KLHL1: variants seen among roughly 807,000 people sequenced by gnomAD.
KLHL1 encodes the protein kelch like family member 1, also known as kelch-like protein 1.
A neutral mutation model predicts 77.7 loss-of-function variants in KLHL1; 47 were observed. That is an observed-to-expected ratio of 0.60 (90% CI 0.48 to 0.77). The LOEUF is 0.77. Among genes scored for constraint, KLHL1 ranks in the 30% least tolerant of loss-of-function variants. The pLI is 0.00. For missense variants in KLHL1, 925 were observed against 910.8 expected, an observed-to-expected ratio of 1.02 and a Z score of -0.20; for synonymous variants, 360 against 325.2, an observed-to-expected ratio of 1.11 and a Z score of -1.15.
chr13:69,922,226 T>C (rs1882665730), intron 4 of KLHL1, among the ~76,000 whole-genome samples: 1 of 152,148 alleles, frequency 6.6e-6, no homozygotes, highest in South Asian at 2.1e-4. Context: ...GGATTACTTG[T>C]GTGAACCGTC....
intron 7 of KLHL1, among the ~76,000 whole-genome samples, chr13:69,744,558 A>G (rs1176859525): frequency 6.6e-6 from 1 of 151,190 alleles, no homozygotes; most frequent in African/African-American, 2.4e-5. Flanking sequence ...AATGTAAAAC[A>G]TGTAAGTGTT....
intron 7 of KLHL1, among the ~76,000 whole-genome samples, chr13:69,786,422 T>C (rs79542479): frequency 0.037 from 5,585 of 152,238 alleles, 130 homozygotes; most frequent in Middle Eastern, 0.068. Context: ...ATTATCTCAA[T>C]GGATGCAGAA....
intron 4 of KLHL1, among the ~76,000 whole-genome samples, chr13:69,927,071 T>A (rs1430979655): frequency 6.8e-6 from 1 of 147,082 alleles, no homozygotes; most frequent in Non-Finnish European, 1.5e-5. Flanking sequence ...TAGTAATCAA[T>A]GAAAAAGAAT....
intron 1 of KLHL1, among the ~76,000 whole-genome samples, chr13:70,057,099 A>G (rs1886760715): frequency 6.6e-6 from 1 of 152,156 alleles, no homozygotes; most frequent in Admixed American, 6.5e-5. Flanking sequence ...GAGATAAAAA[A>G]ACATTACAAC....
chr13:70,067,664 A>G (rs911063082), intron 1 of KLHL1, among the ~76,000 whole-genome samples: 1 of 151,776 alleles, frequency 6.6e-6, no homozygotes, highest in African/African-American at 2.4e-5. Context: ...CAACAACAAA[A>G]AGGTTCTTGA....
chr13:69,877,732 T>G (rs1434501873), intron 5 of KLHL1, among the ~76,000 whole-genome samples: 1 of 152,168 alleles, frequency 6.6e-6, no homozygotes, highest in African/African-American at 2.4e-5. Context: ...TATATTTCAA[T>G]AGAGGACAGA....
chr13:70,041,835 T>C (rs373720081), intron 1 of KLHL1, among the ~76,000 whole-genome samples: 1 of 152,116 alleles, frequency 6.6e-6, no homozygotes, highest in East Asian at 1.9e-4. Flanking sequence ...TGGGATAGAA[T>C]ACCATGCTTG....
At chr13:69,980,176 A>G (rs145477849) in intron 1 of KLHL1, among the ~76,000 whole-genome samples, 1 of 152,318 alleles carries the variant, frequency 6.6e-6, no homozygotes, top group African/African-American at 2.4e-5. Context: ...CTGTTTCCCT[A>G]TTTCTTTGTT....
chr13:69,991,854 T>C (rs1004276929), intron 1 of KLHL1, among the ~76,000 whole-genome samples: 3 of 152,052 alleles, frequency 2.0e-5, no homozygotes, highest in Admixed American at 1.3e-4. Context: ...AATTTATTAA[T>C]ATAAAGCATA....
chr13:70,060,851 G>GA (rs111883192), intron 1 of KLHL1, among the ~76,000 whole-genome samples: 97,933 of 149,256 alleles, frequency 0.66, 32,304 homozygotes, highest in East Asian at 0.8. Flanking sequence ...CGTCTCAAAA[G>GA]AAAAAAAAAA....
At chr13:69,716,177 C>A (rs1338819030) in intron 9 of KLHL1, among the ~76,000 whole-genome samples, 1 of 152,136 alleles carries the variant, frequency 6.6e-6, no homozygotes, top group Non-Finnish European at 1.5e-5. Flanking sequence ...CATTTATCTT[C>A]TATAATTTCT....
chr13:69,798,245 T>C (rs1877216281), intron 6 of KLHL1, among the ~76,000 whole-genome samples: 1 of 152,192 alleles, frequency 6.6e-6, no homozygotes, highest in African/African-American at 2.4e-5. Context: ...GCACTGATGA[T>C]CTATTTTACC....
chr13:69,811,387 C>T (rs554221743), intron 6 of KLHL1, among the ~76,000 whole-genome samples: 149 of 150,290 alleles, frequency 9.9e-4, no homozygotes, highest in Non-Finnish European at 1.9e-3. Flanking sequence ...ATATGGTCAA[C>T]GTAATAGATA....
chr13:70,012,169 T>C (rs573038405), intron 1 of KLHL1, among the ~76,000 whole-genome samples: 1 of 152,130 alleles, frequency 6.6e-6, no homozygotes. Context: ...CACAGCCAAA[T>C]CATATCAGGT....
intron 1 of KLHL1, among the ~76,000 whole-genome samples, chr13:70,067,231 G>T (rs1359800503): frequency 6.6e-6 from 1 of 152,114 alleles, no homozygotes; most frequent in Non-Finnish European, 1.5e-5. Context: ...GAAAGAAAAA[G>T]GTAACATGTG....
intron 6 of KLHL1, among the ~76,000 whole-genome samples, chr13:69,822,060 G>T (rs966385382): frequency 2.6e-5 from 4 of 151,820 alleles, no homozygotes; most frequent in Non-Finnish European, 4.4e-5. Context: ...TTAGCTGGGT[G>T]TAGTGGCGGG....
chr13:70,095,369 C>G (rs1887763626), intron 1 of KLHL1, among the ~76,000 whole-genome samples: 1 of 152,018 alleles, frequency 6.6e-6, no homozygotes, highest in Non-Finnish European at 1.5e-5. Context: ...ATTGTGGAAC[C>G]TATTGGAAAA....
At chr13:69,885,174 T>G (rs1186303119) in intron 4 of KLHL1, among the ~76,000 whole-genome samples, 2 of 136,194 alleles carry the variant, frequency 1.5e-5, no homozygotes, top group African/African-American at 6.8e-5. Context: ...TCTCCTGACC[T>G]CGTGATCCAC....
At chr13:69,777,472 C>T (rs1875889586) in intron 7 of KLHL1, among the ~76,000 whole-genome samples, 2 of 152,166 alleles carry the variant, frequency 1.3e-5, no homozygotes, top group African/African-American at 4.8e-5. Context: ...CCTTATATCT[C>T]TTGTACTGCA....
Sources: gnomAD v4.1 joint callset for allele counts (sites outside exome capture counted in the v4.1 genomes callset) on GRCh38, gnomAD v4.1.1 for gene constraint, MANE v1.5 for transcripts, NCBI Gene and HGNC (gene_info 2026-07-23, HGNC 2026-07-21) for gene names.